The following WDR45B variants were observed in gnomAD, a reference collection of about 807,000 sequenced individuals.
WDR45B encodes WD repeat domain phosphoinositide-interacting protein 3.
WDR45B carries 20 observed loss-of-function variants against 44.6 expected under a neutral mutation model. That is an observed-to-expected ratio of 0.45 (90% CI 0.32 to 0.65). The LOEUF (loss-of-function observed/expected upper bound fraction) is 0.65, where lower values mean the gene tolerates loss of function less well. Among genes scored for constraint, WDR45B ranks in the 30% least tolerant of loss-of-function variants. The pLI, the probability that WDR45B is intolerant of heterozygous loss-of-function variation, is 0.05. For synonymous variants in WDR45B, 169 were observed against 164.9 expected, an observed-to-expected ratio of 1.02 and a Z score of -0.19; for missense variants, 323 against 430.2, an observed-to-expected ratio of 0.75 and a Z score of 2.20.
At chr17:82,628,503 C>G (rs147789734) in intron 3 of WDR45B, among the ~76,000 whole-genome samples, 1 of 152,150 alleles carries the variant, frequency 6.6e-6, no homozygotes, top group African/African-American at 2.4e-5. Context: ...CTTTGGGAGG[C>G]TGGGGTGTGA....
chr17:82,629,337 C>A (rs140649346), intron 3 of WDR45B, among the ~76,000 whole-genome samples: 1 of 152,326 alleles, frequency 6.6e-6, no homozygotes, highest in Non-Finnish European at 1.5e-5. Context: ...AATTCACCAG[C>A]AGGATTTCTG....
rs975838393 is a variant in WDR45B, at chr17:82,631,345, G to A, written c.143-323C>T. 2.2e-4 allele frequency among the ~76,000 whole-genome samples: 31 copies of A among 141,140 alleles called. No homozygotes were observed. The East Asian group carries it at 3.8e-3, about 17-fold the overall frequency. 92.6% of individuals were successfully genotyped at this position (141,140 alleles called of 152,430 possible). ...GTCACCCAGGCTAGAGTGCAGTCGC[G>A]CGATCTCGGCTTACTGCAACCTCCA... On this transcript the variant is annotated intron_variant, in intron 2 of 9. Transcript: ENST00000392325.
At chr17:82,629,703 C>CACGTTA (rs1214956702) in intron 3 of WDR45B, 29 of 985,310 alleles carry the variant, frequency 2.9e-5, no homozygotes, top group Non-Finnish European at 3.3e-5. Flanking sequence ...TCCGCACATT[C>CACGTTA]ACGTTCACGC....
chr17:82,622,674 C>CA (rs2143272256), intron 5 of WDR45B, among the ~76,000 whole-genome samples: 1 of 152,224 alleles, frequency 6.6e-6, no homozygotes, highest in African/African-American at 2.4e-5. Flanking sequence ...CCTTGTGATC[C>CA]ACCTGCCTTG....
At chr17:82,622,275 A>G (rs939857280) in intron 5 of WDR45B, among the ~76,000 whole-genome samples, 2 of 152,226 alleles carry the variant, frequency 1.3e-5, no homozygotes, top group African/African-American at 4.8e-5. Context: ...GATCTGAGAG[A>G]GAGCTGGTCT....
At chr17:82,620,156 G>C (rs1209411206) in intron 6 of WDR45B, among the ~76,000 whole-genome samples, 1 of 152,240 alleles carries the variant, frequency 6.6e-6, no homozygotes, top group Non-Finnish European at 1.5e-5. Flanking sequence ...CTAAAGGGCT[G>C]GGTGCGGTGG....
intron 7 of WDR45B, among the ~76,000 whole-genome samples, chr17:82,617,923 ATTTT>A (rs745570004): frequency 3.4e-5 from 5 of 147,822 alleles, no homozygotes; most frequent in African/African-American, 5.0e-5. Flanking sequence ...AATTAATTAC[ATTTT>A]CTTTCTTTTT....
At chr17:82,644,977 A>G (rs1353846787) in intron 1 of WDR45B, among the ~76,000 whole-genome samples, 1 of 152,144 alleles carries the variant, frequency 6.6e-6, no homozygotes, top group Admixed American at 6.5e-5. Context: ...CCTGGCCAAC[A>G]TGGTGAAACC....
At chr17:82,616,668 G>A in intron 8 of WDR45B, 23 bp from the exon 9 acceptor site, 1 of 1,613,998 alleles carries the variant, frequency 6.2e-7, no homozygotes, top group Non-Finnish European at 8.5e-7. Flanking sequence ...GAAAAGAAAG[G>A]GTGGTTCAAA....
chr17:82,646,505 AAAAAAAAC>A (rs1272552885), intron 1 of WDR45B, among the ~76,000 whole-genome samples: 40 of 147,714 alleles, frequency 2.7e-4, no homozygotes, highest in Middle Eastern at 3.3e-3. Context: ...AAAAAAAAAA[AAAAAAAAC>A]CCAAAACAAA....
intron 2 of WDR45B, among the ~76,000 whole-genome samples, chr17:82,640,446 G>GCC (rs1296084569): frequency 6.6e-6 from 1 of 151,648 alleles, no homozygotes; most frequent in Non-Finnish European, 1.5e-5. Context: ...CGACTCCCTG[G>GCC]TTCAAGCAAT....
At chr17:82,643,138 CAAAG>C (rs1410755318) in intron 2 of WDR45B, among the ~76,000 whole-genome samples, 1 of 152,092 alleles carries the variant, frequency 6.6e-6, no homozygotes, top group African/African-American at 2.4e-5. Flanking sequence ...ATTTCACGTA[CAAAG>C]AAAGTGAGGT....
chr17:82,644,148 G>C, intron 1 of WDR45B, 125 bp from the exon 2 acceptor site: 1 of 843,828 alleles, frequency 1.2e-6, no homozygotes, highest in Non-Finnish European at 2.0e-6. Flanking sequence ...CACGATAGGT[G>C]CTAAGTCACA....
At chr17:82,635,778 C>T (rs1187393007) in intron 2 of WDR45B, among the ~76,000 whole-genome samples, 1 of 151,928 alleles carries the variant, frequency 6.6e-6, no homozygotes, top group Non-Finnish European at 1.5e-5. Flanking sequence ...GTGATTCTAG[C>T]TAATGGTTAA....
chr17:82,622,403 A>G (rs2045631076), intron 5 of WDR45B, among the ~76,000 whole-genome samples: 1 of 152,170 alleles, frequency 6.6e-6, no homozygotes, highest in Non-Finnish European at 1.5e-5. Flanking sequence ...TAAGAATTAT[A>G]AGGAAAAATA....
At chr17:82,643,811 T>G (rs1218690557) in intron 2 of WDR45B, 138 bp downstream of exon 2, 6 of 836,338 alleles carry the variant, frequency 7.2e-6, no homozygotes, top group Non-Finnish European at 1.2e-5. Context: ...GACAGCTCCC[T>G]CCAAGTTTAT....
chr17:82,616,397 G>T (rs1373974703), intron 9 of WDR45B, 127 bp downstream of exon 9: 2 of 1,464,332 alleles, frequency 1.4e-6, no homozygotes, highest in South Asian at 2.3e-5. Flanking sequence ...GAGAAATAAG[G>T]GGAACTGGGC....
In WDR45B at chr17:82,630,996, C is replaced by T. The variant is rs1338459101; in HGVS notation, c.169G>A (p.Val57Ile). The T allele has an allele frequency of 1.9e-6, 3 of 1,613,936 alleles. No individual in the cohort carries two copies. Among genetic ancestry groups the T allele is most frequent in the Non-Finnish European group, 2.5e-6 (3 of 1,180,016 alleles). Reference protein sequence around the residue: ...QEFLEGGVGHVEMLFRCNYLA... With the variant: ...QEFLEGGVGHIEMLFRCNYLA... ...TAGTTGCAGCGAAATAACATTTCAA[C>T]ATGGCCAACTCCTCCTTCTAGAAAT... is the stretch of plus-strand genomic sequence containing the variant. The change falls in exon 3 of 10, where the codon GTT becomes ATT. Residue 57 changes from valine to isoleucine, a missense_variant. Physicochemically the swap from Val to Ile is conservative, Grantham distance 29 (BLOSUM62 3). Coordinates refer to ENST00000392325, the MANE Select transcript of WDR45B (RefSeq NM_019613.4).
chr17:82,647,853 C>T (rs1382423808), intron 1 of WDR45B, among the ~76,000 whole-genome samples: 2 of 151,720 alleles, frequency 1.3e-5, no homozygotes, highest in African/African-American at 2.4e-5. Flanking sequence ...CTGGGCAGGG[C>T]GTCAATCACG....
Sources: allele counts gnomAD v4.1 joint callset (sites outside exome capture counted in the v4.1 genomes callset), GRCh38; gene constraint gnomAD v4.1.1; transcripts MANE v1.5; gene names NCBI Gene and HGNC (gene_info 2026-07-23, HGNC 2026-07-21).